Variants in EBF4 observed in about 807,000 individuals in gnomAD.
EBF4 encodes the protein EBF transcription factor 4, also known as transcription factor COE4.
In EBF4, 34 loss-of-function variants were observed where a neutral mutation model predicts 67.1. The ratio of observed to expected loss-of-function variants is 0.51; its 90% confidence interval spans 0.39 to 0.67. EBF4 has a LOEUF of 0.67. EBF4 is among the 30% of genes least tolerant of loss of function. The pLI is 0.00. For missense variants in EBF4, 837 were observed against 873.3 expected (o/e 0.96, Z 0.52); for synonymous variants, 387 against 377.7 (o/e 1.02, Z -0.29).
Position 2,697,542 on chromosome 20 carries a change from C to T in EBF4, c.137+3760C>T, listed in dbSNP as rs916199061. Among the ~76,000 whole-genome samples the T allele has an allele frequency of 7.0e-5, 7 of 99,470 alleles. No individual in the cohort carries two copies. The Admixed American group carries it at 7.5e-4, about 11-fold the overall frequency. 65.3% of individuals were successfully genotyped at this position (99,470 alleles called of 152,430 possible). Reference sequence around the variant, plus strand: ...CCTGGGTGACAGAGCGAGACTCTGTCTCAAAAAAAAAAAGAAAGAAAGAAA... The same window carrying T: ...CCTGGGTGACAGAGCGAGACTCTGTTTCAAAAAAAAAAAGAAAGAAAGAAA... On this transcript the variant is annotated intron_variant, in intron 1 of 16. Transcript: ENST00000609451.
chr20:2,693,613 G>T lies in EBF4; in HGVS notation c.-33G>T, dbSNP rs1461776746. ...GCAGCCTCAGCGGGACCGGATCCGG[G>T]GCGGCGGGGGCGCTCACTCACCGCG... On this transcript the variant is annotated 5_prime_UTR_variant, in exon 1 of 17. Coordinates refer to ENST00000609451, the Ensembl canonical transcript of EBF4. The surrounding 1 kb of genome is among the most constrained non-coding windows in gnomAD (Gnocchi z 4.6). The T allele has an allele frequency of 1.5e-6, 2 of 1,361,052 alleles. No homozygotes were observed. Among genetic ancestry groups the T allele is most frequent in the Non-Finnish European group, 1.9e-6 (2 of 1,060,764 alleles). 84.3% of individuals were successfully genotyped at this position (1,361,052 alleles called of 1,614,324 possible).
At chr20:2,705,430 G>C in intron 1 of EBF4, 147 bp from the exon 2 acceptor site, 12 of 1,098,062 alleles carry the variant, frequency 1.1e-5, no homozygotes, top group Non-Finnish European at 1.6e-5. Flanking sequence ...GGTCAGGCTG[G>C]AAAGGGCCTG....
chr20:2,694,737 C>T (rs753724980), intron 1 of EBF4, among the ~76,000 whole-genome samples: 1 of 152,106 alleles, frequency 6.6e-6, no homozygotes, highest in Non-Finnish European at 1.5e-5. Context: ...GCAGACCGGG[C>T]CTGACACAGG....
intron 6 of EBF4, among the ~76,000 whole-genome samples, chr20:2,734,587 A>G (rs2087854493): frequency 6.6e-6 from 1 of 152,174 alleles, no homozygotes; most frequent in Non-Finnish European, 1.5e-5. Context: ...CACTCTGGCA[A>G]TCAGATCCTC....
intron 6 of EBF4, among the ~76,000 whole-genome samples, chr20:2,720,573 T>A (rs1194158421): frequency 6.6e-6 from 1 of 152,228 alleles, no homozygotes; most frequent in Non-Finnish European, 1.5e-5. Flanking sequence ...TACTGCAATC[T>A]ACCTTCAATT....
rs1388501553 is a variant in EBF4, at chr20:2,755,473, G to A, written c.1541-154G>A. The A allele has an allele frequency of 1.6e-6, 1 of 615,438 alleles. No homozygotes were observed. Among genetic ancestry groups the A allele is most frequent in the African/African-American group, 1.8e-5 (1 of 54,450 alleles). The allele number at this position is 615,438 out of a possible 1,614,324, so 38.1% of individuals were successfully genotyped here. A position where few individuals can be genotyped will look rare whatever the true frequency, so the allele number is the denominator to read the frequency against. ...CCGCTGAGAGGTCAGGGCTGGCCCA[G>A]GACCCTCACAGCTCCCAGTGAGATC... is the stretch of plus-strand genomic sequence containing the variant. On this transcript the variant is annotated intron_variant, in intron 14 of 16. Coordinates refer to ENST00000609451, the Ensembl canonical transcript of EBF4. The surrounding 1 kb of genome is among the most constrained non-coding windows in gnomAD (Gnocchi z 4.7).
In EBF4 at chr20:2,756,963, C is replaced by T. The variant is rs1256901319; in HGVS notation, c.1738+1139C>T. Among the ~76,000 whole-genome samples, 3 of 152,158 alleles carry T rather than the reference C, an allele frequency of 2.0e-5. No homozygotes were observed. The highest frequency in any genetic ancestry group is 4.8e-5 in the African/African-American group (2 of 41,434). On this transcript the variant is annotated intron_variant, in intron 15 of 16. Transcript: ENST00000609451. This position sits in a 1 kb window ranked among gnomAD's most constrained non-coding sequence, Gnocchi z 4.5. The stretch of plus-strand genomic sequence containing the variant: ...TTCTAACAGCATCTTGAGATTAGTT[C>T]CTGGGGAATGACCTTGAGATGCAGG...
intron 6 of EBF4, among the ~76,000 whole-genome samples, chr20:2,742,280 C>G (rs73074931): frequency 0.15 from 23,071 of 152,112 alleles, 1,968 homozygotes; most frequent in African/African-American, 0.24. Flanking sequence ...GGTTGCAGAC[C>G]GACACGACCT....
rs576959408 is a variant in EBF4, at chr20:2,743,133, C to T, written c.558-5416C>T. Among the ~76,000 whole-genome samples the T allele has an allele frequency of 3.9e-5, 6 of 152,332 alleles. 1 individual carries two copies. The South Asian group carries it at 1.0e-3, about 26-fold the overall frequency. On this transcript the variant is annotated intron_variant, in intron 6 of 16. Transcript: ENST00000609451. ...ACCTGCTGCCCCTCCTTCTTCTTCCCTGACTCCATTCTCATCCTTCCCTGA... is the reference window on the plus strand; with the variant it reads ...ACCTGCTGCCCCTCCTTCTTCTTCCTTGACTCCATTCTCATCCTTCCCTGA...
At chr20:2,750,000 G>T (rs1160517482) in intron 10 of EBF4, 27 bp downstream of exon 10, 13 of 1,534,892 alleles carry the variant, frequency 8.5e-6, no homozygotes, top group Non-Finnish European at 9.7e-6. Flanking sequence ...GGGAGTGGAG[G>T]TCTAAGGTGC....
At chr20:2,741,863 G>A (rs778467867) in intron 6 of EBF4, among the ~76,000 whole-genome samples, 2 of 152,178 alleles carry the variant, frequency 1.3e-5, no homozygotes, top group Non-Finnish European at 2.9e-5. Flanking sequence ...GCCCCAATGA[G>A]CTAGAACAAT....
chr20:2,693,627 T>C lies in EBF4; in HGVS notation c.-19T>C. ...ACCGGATCCGGGGCGGCGGGGGCGC[T>C]CACTCACCGCGCGCCCTCATGTTCC... On this transcript the variant is annotated 5_prime_UTR_variant, in exon 1 of 17. Coordinates refer to ENST00000609451, the Ensembl canonical transcript of EBF4. The surrounding 1 kb of genome is among the most constrained non-coding windows in gnomAD (Gnocchi z 4.6). 1 of 1,378,332 alleles carries C rather than the reference T, an allele frequency of 7.3e-7. No homozygotes were observed. The highest frequency in any genetic ancestry group is 9.4e-7 in the Non-Finnish European group (1 of 1,069,314). The allele number at this position is 1,378,332 out of a possible 1,614,324, so 85.4% of individuals were successfully genotyped here.
chr20:2,723,318 T>G (rs984309961), intron 6 of EBF4, among the ~76,000 whole-genome samples: 3 of 152,188 alleles, frequency 2.0e-5, no homozygotes, highest in Non-Finnish European at 4.4e-5. Context: ...TGTGTCCTTA[T>G]GTTTAGATGT....
In EBF4 at chr20:2,742,437, C is replaced by T. The variant is rs1293721912; in HGVS notation, c.558-6112C>T. Reference sequence around the variant, plus strand: ...TGTTTGTTTTGTTTTTGCATAGTTACCTCCCTAATGCATTTCATTTGTAAG... The same window carrying T: ...TGTTTGTTTTGTTTTTGCATAGTTATCTCCCTAATGCATTTCATTTGTAAG... On this transcript the variant is annotated intron_variant, in intron 6 of 16. Coordinates refer to ENST00000609451, the Ensembl canonical transcript of EBF4. Among the ~76,000 whole-genome samples the T allele has an allele frequency of 1.3e-5, 2 of 152,134 alleles. 1 individual carries two copies. Among genetic ancestry groups the T allele is most frequent in the African/African-American group, 4.8e-5 (2 of 41,430 alleles).
rs1600248386 is a variant in EBF4 at position 2,755,190 on chromosome 20, T to C, written c.1541-437T>C. ...TGTGCGTTCCCCCAAACTTCATCCC[T>C]AACTACTTGTTCCAGCTCTTCTGTG... On this transcript the variant is annotated intron_variant, in intron 14 of 16. Coordinates refer to ENST00000609451, the Ensembl canonical transcript of EBF4. This position sits in a 1 kb window ranked among gnomAD's most constrained non-coding sequence, Gnocchi z 4.7. 1.1e-5 allele frequency: 2 copies of C among 179,496 alleles called. No individual in the cohort carries two copies. The highest frequency in any genetic ancestry group is 2.6e-3 in the Middle Eastern group (1 of 386). The allele number at this position is 179,496 out of a possible 1,614,324, so 11.1% of individuals were successfully genotyped here.
intron 6 of EBF4, among the ~76,000 whole-genome samples, chr20:2,716,671 T>C (rs769379226): frequency 2.0e-5 from 3 of 152,242 alleles, no homozygotes; most frequent in Non-Finnish European, 4.4e-5. Context: ...AATTAAGGAA[T>C]CAATGTAATT....
chr20:2,737,446 A>G (rs1049351523), intron 6 of EBF4, among the ~76,000 whole-genome samples: 2 of 152,024 alleles, frequency 1.3e-5, no homozygotes, highest in African/African-American at 4.8e-5. Flanking sequence ...ATGTCTGGCT[A>G]TGTAACTGGG....
In EBF4 at chr20:2,755,669, C is replaced by A; in HGVS notation, c.1583C>A (p.Ser528Tyr). 1.4e-6 allele frequency: 2 copies of A among 1,426,704 alleles called. No homozygotes were observed. The highest frequency in any genetic ancestry group is 1.9e-6 in the Non-Finnish European group (2 of 1,070,706). The allele number at this position is 1,426,704 out of a possible 1,614,324, so 88.4% of individuals were successfully genotyped here. ...CCGCTGGCGGCTGCCTCCTCCATGT[C>A]CCTCCCGGCCGCTGCCCCCACCACC... The change falls in exon 15 of 17, where the codon TCC (serine) becomes TAC (tyrosine). Residue 528 changes from serine to tyrosine, a missense_variant. Ser to Tyr is a moderately radical substitution (Grantham distance 144). Coordinates refer to ENST00000609451, the Ensembl canonical transcript of EBF4. The surrounding 1 kb of genome is among the most constrained non-coding windows in gnomAD (Gnocchi z 4.7).
chr20:2,745,668 A>C lies in EBF4; in HGVS notation c.558-2881A>C, dbSNP rs1456848001. 6.6e-6 allele frequency among the ~76,000 whole-genome samples: 1 copy of C among 152,212 alleles called. No homozygotes were observed. On this transcript the variant is annotated intron_variant, in intron 6 of 16. Coordinates refer to ENST00000609451, the Ensembl canonical transcript of EBF4. The surrounding 1 kb of genome is among the most constrained non-coding windows in gnomAD (Gnocchi z 5.2). ...GGAAGGGCCAGTGAGGGAGCAGGAA[A>C]CCACAGCCTTGGGGAGGGCAGAAGT...
Sources: gnomAD v4.1 joint callset for allele counts (sites outside exome capture counted in the v4.1 genomes callset) on GRCh38, gnomAD v4.1.1 for gene constraint, Gnocchi (gnomAD v3.1) non-coding constraint, MANE v1.5 for transcripts, NCBI Gene and HGNC (gene_info 2026-07-23, HGNC 2026-07-21) for gene names.